The following CEP295 variants were observed in gnomAD, a reference collection of about 807,000 sequenced individuals.
CEP295 encodes centrosomal protein 295.
Under a neutral mutation model 291.6 loss-of-function variants are expected in CEP295, and 190 were observed. The observed-to-expected ratio is 0.65, with a 90% CI of 0.58 to 0.73. The LOEUF (loss-of-function observed/expected upper bound fraction) is 0.73. Among genes scored for constraint, CEP295 ranks in the 30% least tolerant of loss-of-function variants. The probability of loss-of-function intolerance (pLI) is 0.00; values close to 1 mark genes in which losing one functional copy is unlikely to be tolerated. For missense variants in CEP295, 2,863 were observed against 2,949.4 expected (o/e 0.97, Z 0.68); for synonymous variants, 993 against 1,038.8 (o/e 0.96, Z 0.85).
At chr11:93,700,510 C>T (rs1332115724) in intron 15 of CEP295, among the ~76,000 whole-genome samples, 5 of 151,480 alleles carry the variant, frequency 3.3e-5, no homozygotes, top group African/African-American at 1.2e-4. Flanking sequence ...ACTGCAACCC[C>T]TACCTCCTGG....
chr11:93,669,370 G>A (rs1408762541), intron 4 of CEP295, among the ~76,000 whole-genome samples: 4 of 151,046 alleles, frequency 2.6e-5, no homozygotes, highest in Non-Finnish European at 4.4e-5. Context: ...AAAAATTAAG[G>A]GCCCTGTTAC....
intron 6 of CEP295, among the ~76,000 whole-genome samples, chr11:93,678,911 C>T (rs1384678546): frequency 1.3e-5 from 2 of 152,124 alleles, no homozygotes; most frequent in African/African-American, 2.4e-5. Context: ...GGCTGGAGTG[C>T]AGTGGCACAG....
intron 1 of CEP295, among the ~76,000 whole-genome samples, chr11:93,664,256 C>G (rs1950113028): frequency 6.6e-6 from 1 of 152,084 alleles, no homozygotes. Flanking sequence ...TAAATTCTCA[C>G]TCTCAAAAAA....
At chr11:93,692,965 T>G (rs1158983625) in intron 12 of CEP295, among the ~76,000 whole-genome samples, 1 of 124,602 alleles carries the variant, frequency 8.0e-6, no homozygotes, top group Non-Finnish European at 1.6e-5. Context: ...AGAGTGAGAC[T>G]CTATCTCAAA....
intron 10 of CEP295, 76 bp downstream of exon 10, chr11:93,687,941 A>G (rs1320092355): frequency 1.9e-6 from 2 of 1,035,360 alleles, no homozygotes; most frequent in African/African-American, 1.6e-5. Context: ...CTGAAAAATC[A>G]AAGAATAGAG....
At position 93,727,603 on chromosome 11, in the gene CEP295, G is replaced by T. The variant is rs1264399010; in HGVS notation, c.7127G>T (p.Gly2376Val). The T allele has an allele frequency of 6.5e-7, 1 of 1,549,778 alleles. No individual in the cohort carries two copies. Among genetic ancestry groups the T allele is most frequent in the Non-Finnish European group, 8.7e-7 (1 of 1,146,478 alleles). ...LGESELFASS[G>V]SFSLQSSIPV... Reference sequence around the variant, plus strand: ...GAATCAGAGCTTTTTGCAAGTTCTGGATCATTTTCATTACAGAGCTCTATA... The same window carrying T: ...GAATCAGAGCTTTTTGCAAGTTCTGTATCATTTTCATTACAGAGCTCTATA... The change falls in exon 24 of 30, where the codon GGA becomes GTA. Residue 2376 changes from glycine (G) to valine (V), a missense_variant. Transcript: ENST00000325212.
chr11:93,711,867 A>G (rs1952927840), intron 18 of CEP295, among the ~76,000 whole-genome samples: 1 of 151,840 alleles, frequency 6.6e-6, no homozygotes, highest in South Asian at 2.1e-4. Context: ...TTTGTGGCCT[A>G]ACATGTGGTC....
In CEP295 at chr11:93,702,883, G is replaced by A. The variant is rs1448420145; in HGVS notation, c.5560G>A (p.Val1854Ile). ...NQHELSAIQE[V>I]ESPAIGRTSI... ...GCATGAACTTAGTGCTATACAAGAA[G>A]TAGAGTCACCAGCAATTGGCAGAAC... The change falls in exon 17 of 30, where the codon GTA (valine) becomes ATA (isoleucine). Residue 1854 changes from valine to isoleucine, a missense_variant. Around this residue, in one of 3 missense-constraint regions of CEP295, gnomAD observed 2,295 missense variants for 2,335.7 expected, o/e 0.98. Coordinates refer to ENST00000325212, the MANE Select transcript of CEP295 (RefSeq NM_033395.2). 1.9e-6 allele frequency: 3 copies of A among 1,551,484 alleles called. No individual in the cohort carries two copies. In the South Asian group the frequency reaches 3.6e-5, roughly 18 times the overall value.
In CEP295 at chr11:93,730,054, A is replaced by G; in HGVS notation, c.7673A>G (p.Tyr2558Cys). 1 of 1,547,670 alleles carries G rather than the reference A, an allele frequency of 6.5e-7. No individual in the cohort carries two copies. Among genetic ancestry groups the G allele is most frequent in the Non-Finnish European group, 8.7e-7 (1 of 1,145,262 alleles). Residue 2558 changes from tyrosine to cysteine, a missense_variant, in exon 29 of 30, where the codon TAC becomes TGC. This residue lies in a region of CEP295 where 2,295 missense variants were observed against 2,335.7 expected (regional missense o/e 0.98). Transcript: ENST00000325212. ...TCTATATAAATTCTTTACAGGTTAT[A>G]CAATCAACTAGCTGAAGTGAAACAA... ...ALRHQRGLRL[Y>C]NQLAEVKQQK...
chr11:93,727,562 A>C lies in CEP295; in HGVS notation c.7086A>C (p.Lys2362Asn), dbSNP rs534038372. ...AETDIPKITK[K>N]LSQLGESELF... ...CAGACATTCCAAAAATCACCAAAAA[A>C]CTATCTCAACTAGGAGAATCAGAGC... Residue 2362 changes from lysine to asparagine, a missense_variant, in exon 24 of 30, where the codon AAA (lysine) becomes AAC (asparagine). By Grantham distance (94) the Lys-to-Asn change is moderately conservative. Around this residue, in one of 3 missense-constraint regions of CEP295, gnomAD observed 2,295 missense variants for 2,335.7 expected, o/e 0.98. Coordinates refer to ENST00000325212, the MANE Select transcript of CEP295 (RefSeq NM_033395.2). 8 of 1,551,532 alleles carry C rather than the reference A, an allele frequency of 5.2e-6. No homozygotes were observed. In the South Asian group the frequency reaches 7.1e-5, roughly 14 times the overall value.
chr11:93,682,424 A>G (rs1260500083), intron 7 of CEP295, among the ~76,000 whole-genome samples: 3 of 152,068 alleles, frequency 2.0e-5, no homozygotes, highest in African/African-American at 4.8e-5. Flanking sequence ...GGATTTCGCC[A>G]TATTGGCCAG....
intron 12 of CEP295, among the ~76,000 whole-genome samples, 175 bp downstream of exon 12, chr11:93,692,205 C>T (rs779624115): frequency 2.0e-5 from 3 of 152,098 alleles, no homozygotes; most frequent in Admixed American, 6.5e-5. Flanking sequence ...CCATACTGCT[C>T]ATTCAACCCT....
intron 18 of CEP295, among the ~76,000 whole-genome samples, chr11:93,711,043 TA>T (rs1952861532): frequency 6.6e-6 from 1 of 152,128 alleles, no homozygotes. Flanking sequence ...AATATTTTCA[TA>T]AAACCAATTT....
chr11:93,672,104 A>G (rs1343136017), intron 5 of CEP295, among the ~76,000 whole-genome samples: 2 of 152,224 alleles, frequency 1.3e-5, no homozygotes, highest in African/African-American at 4.8e-5. Flanking sequence ...AAGTTAAGTA[A>G]CGTAACCAAA....
intron 3 of CEP295, 38 bp from the exon 4 acceptor site, chr11:93,668,770 T>C (rs776992452): frequency 1.5e-5 from 21 of 1,397,574 alleles, no homozygotes; most frequent in Non-Finnish European, 2.9e-6. Flanking sequence ...TCTATTATTC[T>C]TGTTTAACAT....
chr11:93,700,156 G>A lies in CEP295; in HGVS notation c.5244G>A (p.Glu1748=), dbSNP rs1208270495. The A allele has an allele frequency of 9.7e-6, 15 of 1,548,408 alleles. No homozygotes were observed. Among genetic ancestry groups the A allele is most frequent in the Non-Finnish European group, 1.3e-5 (15 of 1,146,192 alleles). The change falls in exon 15 of 30, where the codon GAG becomes GAA. Residue 1748 remains glutamate (E), a synonymous_variant. Transcript: ENST00000325212. The part of the protein sequence containing the change: ...ALQQQIQKHE[E]TLKDFFKDSQ... Reference sequence around the variant, plus strand: ...AGCAGCAGATACAGAAACATGAAGAGACTTTGAAGGATTTCTTTAAAGACA... The same window carrying A: ...AGCAGCAGATACAGAAACATGAAGAAACTTTGAAGGATTTCTTTAAAGACA...
At chr11:93,704,430 G>T (rs1294482551) in intron 17 of CEP295, among the ~76,000 whole-genome samples, 4 of 152,114 alleles carry the variant, frequency 2.6e-5, no homozygotes, top group African/African-American at 7.2e-5. Context: ...GTAATGCAGG[G>T]AAACCCCCTC....
At chr11:93,706,938 A>G in intron 18 of CEP295, 41 bp downstream of exon 18, 1 of 1,431,928 alleles carries the variant, frequency 7.0e-7, no homozygotes, top group East Asian at 2.6e-5. Context: ...GCACAAGGAT[A>G]TGTGGACAAA....
At position 93,727,155 on chromosome 11, in the gene CEP295, C is replaced by A. The variant is rs1288584894; in HGVS notation, c.6679C>A (p.His2227Asn). 1.9e-6 allele frequency: 3 copies of A among 1,550,408 alleles called. No homozygotes were observed. Among genetic ancestry groups the A allele is most frequent in the South Asian group, 2.4e-5 (2 of 83,730 alleles). ...ATTACAAAACAAGAAAAAAATTGTT[C>A]ATTTCCAGCTTTCTATAGGAAACTT... ...EILQNKKKIV[H>N]FQLSIGNLSS... is the part of the protein sequence containing the mutation. Residue 2227 changes from histidine (H) to asparagine (N), a missense_variant, in exon 24 of 30, where the codon CAT (histidine) becomes AAT (asparagine). Physicochemically the swap from His to Asn is moderately conservative, Grantham distance 68. Around this residue, in one of 3 missense-constraint regions of CEP295, gnomAD observed 2,295 missense variants for 2,335.7 expected, o/e 0.98. Coordinates refer to ENST00000325212, the MANE Select transcript of CEP295 (RefSeq NM_033395.2).
Sources: gnomAD v4.1 joint callset for allele counts (sites outside exome capture counted in the v4.1 genomes callset) on GRCh38, gnomAD v4.1.1 for gene constraint, gnomAD v4.1.1 regional missense constraint, MANE v1.5 for transcripts, NCBI Gene and HGNC (gene_info 2026-07-23, HGNC 2026-07-21) for gene names.